PHACTR2: variants seen among roughly 807,000 people sequenced by gnomAD.
The protein encoded by PHACTR2 is phosphatase and actin regulator 2, also known as chromosome 6 open reading frame 56.
In PHACTR2, 30 loss-of-function variants were observed where a neutral mutation model predicts 76.0. The observed-to-expected ratio is 0.39, with a 90% CI of 0.30 to 0.54. The LOEUF (loss-of-function observed/expected upper bound fraction) is 0.54. PHACTR2 is among the 20% of genes least tolerant of loss of function. PHACTR2 has a pLI of 0.61. For synonymous variants in PHACTR2, 292 were observed against 292.5 expected (o/e 1.00, Z 0.02); for missense variants, 696 against 781.1 (o/e 0.89, Z 1.30).
chr6:143,565,360 T>C (rs1359327284), intron 1 of PHACTR2, among the ~76,000 whole-genome samples: 1 of 152,178 alleles, frequency 6.6e-6, no homozygotes, highest in African/African-American at 2.4e-5. Flanking sequence ...GGCTCACGCC[T>C]GTAATCCCGG....
At chr6:143,693,832 A>G (rs1777706739) in intron 1 of PHACTR2, among the ~76,000 whole-genome samples, 1 of 152,140 alleles carries the variant, frequency 6.6e-6, no homozygotes, top group African/African-American at 2.4e-5. Flanking sequence ...GCTGTAGAGC[A>G]TATGGGGTAA....
chr6:143,763,648 G>T (rs1399234645), intron 5 of PHACTR2, among the ~76,000 whole-genome samples: 1 of 152,098 alleles, frequency 6.6e-6, no homozygotes, highest in African/African-American at 2.4e-5. Flanking sequence ...AAAACCATAG[G>T]GATTCCTTTT....
At chr6:143,693,883 A>G (rs1053561926) in intron 1 of PHACTR2, among the ~76,000 whole-genome samples, 3 of 152,044 alleles carry the variant, frequency 2.0e-5, no homozygotes, top group Non-Finnish European at 2.9e-5. Context: ...AGCCTGGGCA[A>G]TGTGGCGAAA....
At position 143,821,170 on chromosome 6, in the gene PHACTR2, T is replaced by C. The variant is rs1776410236; in HGVS notation, c.1923-2504T>C. On this transcript the variant is annotated intron_variant, in intron 12 of 12. Coordinates refer to ENST00000440869, the MANE Select transcript of PHACTR2 (RefSeq NM_001100164.2). This position sits in a 1 kb window ranked among gnomAD's most constrained non-coding sequence, Gnocchi z 5.2. ...ATGCAGGCATGGCGGTCCTCACATC[T>C]GCCCAAGGTTACAGTCAGGGATAGA... Among the ~76,000 whole-genome samples the C allele has an allele frequency of 6.6e-6, 1 of 152,244 alleles. No individual in the cohort carries two copies. Among genetic ancestry groups the C allele is most frequent in the Non-Finnish European group, 1.5e-5 (1 of 68,042 alleles).
intron 1 of PHACTR2, among the ~76,000 whole-genome samples, chr6:143,615,038 G>C (rs995492176): frequency 6.6e-4 from 101 of 152,268 alleles, no homozygotes; most frequent in African/African-American, 2.3e-3. Flanking sequence ...GTCTTAAAAG[G>C]AAGGAACCTT....
intron 1 of PHACTR2, among the ~76,000 whole-genome samples, chr6:143,699,297 C>A (rs1175148424): frequency 6.6e-6 from 1 of 152,170 alleles, no homozygotes; most frequent in Non-Finnish European, 1.5e-5. Flanking sequence ...ATCTTCAACA[C>A]CCCGACACCC....
Position 143,771,142 on chromosome 6 carries a change from A to G in PHACTR2, c.1233-1116A>G, listed in dbSNP as rs573641260. On this transcript the variant is annotated intron_variant, in intron 6 of 12. Coordinates refer to ENST00000440869, the MANE Select transcript of PHACTR2 (RefSeq NM_001100164.2). ...ATATATGTACTTTACATATATATAT[A>G]TGTATATATATATATGTATATATAT... Among the ~76,000 whole-genome samples the G allele has an allele frequency of 1.6e-3, 53 of 32,176 alleles. 1 individual carries two copies. Among genetic ancestry groups the G allele is most frequent in the African/African-American group, 3.3e-3 (34 of 10,410 alleles). The allele number at this position is 32,176 out of a possible 152,430, so 21.1% of individuals were successfully genotyped here.
At position 143,558,878 on chromosome 6, in the gene PHACTR2, C is replaced by T. The variant is rs1775220589; in HGVS notation, c.217+21671C>T. Among the ~76,000 whole-genome samples the T allele has an allele frequency of 6.6e-6, 1 of 152,168 alleles. No individual in the cohort carries two copies. Among genetic ancestry groups the T allele is most frequent in the Non-Finnish European group, 1.5e-5 (1 of 68,036 alleles). On this transcript the variant is annotated intron_variant, in intron 1 of 11. Transcript: ENST00000367584. The surrounding 1 kb of genome is among the most constrained non-coding windows in gnomAD (Gnocchi z 4.7). The stretch of plus-strand genomic sequence containing the variant: ...TAGCTCGAGGGCCCCTAAACACCTC[C>T]CTGATGATTGACCAGCTGAAATGCA...
chr6:143,800,702 G>T lies in PHACTR2; in HGVS notation c.1846-6355G>T, dbSNP rs1023611113. ...GGCATTTAGCCCATTTACATTTAAGGTTAATATTGTTATGTTTGAATTTGA... is the reference window on the plus strand; with the variant it reads ...GGCATTTAGCCCATTTACATTTAAGTTTAATATTGTTATGTTTGAATTTGA... On this transcript the variant is annotated intron_variant, in intron 11 of 12. Coordinates refer to ENST00000440869, the MANE Select transcript of PHACTR2 (RefSeq NM_001100164.2). The surrounding 1 kb of genome is among the most constrained non-coding windows in gnomAD (Gnocchi z 4.8). 6.6e-6 allele frequency among the ~76,000 whole-genome samples: 1 copy of T among 152,154 alleles called. No individual in the cohort carries two copies. The highest frequency in any genetic ancestry group is 1.5e-5 in the Non-Finnish European group (1 of 68,032).
chr6:143,720,401 G>C (rs1020791666), intron 2 of PHACTR2, among the ~76,000 whole-genome samples: 1 of 152,082 alleles, frequency 6.6e-6, no homozygotes, highest in Non-Finnish European at 1.5e-5. Context: ...GTTTCAAATC[G>C]GGAAATGTTC....
At position 143,749,055 on chromosome 6, in the gene PHACTR2, G is replaced by T; in HGVS notation, c.285G>T (p.Leu95Phe). The T allele has an allele frequency of 6.5e-7, 1 of 1,540,782 alleles. No individual in the cohort carries two copies. The highest frequency in any genetic ancestry group is 9.0e-7 in the Non-Finnish European group (1 of 1,113,630). ...TAAGAAGGGGAGTGCTTAAGGAATT[G>T]CCTGATCAAGGTGAGGAAATTAATC... The part of the protein sequence containing the change: ...ELIRRGVLKE[L>F]PDQDGDVTVN... The change falls in exon 3 of 13, where the codon TTG becomes TTT. Residue 95 changes from leucine (L) to phenylalanine (F), a missense_variant. Physicochemically the swap from Leu to Phe is conservative, Grantham distance 22 (BLOSUM62 0). Transcript: ENST00000440869.
chr6:143,551,514 C>A (rs1341737849), intron 1 of PHACTR2, among the ~76,000 whole-genome samples: 2 of 151,980 alleles, frequency 1.3e-5, no homozygotes, highest in African/African-American at 4.8e-5. Flanking sequence ...CTTTTGTAGA[C>A]TAGAAAAAGG....
At position 143,541,024 on chromosome 6, in the gene PHACTR2, C is replaced by T. The variant is rs1006429980; in HGVS notation, c.217+3817C>T. On this transcript the variant is annotated intron_variant, in intron 1 of 11. Transcript: ENST00000367584. This position sits in a 1 kb window ranked among gnomAD's most constrained non-coding sequence, Gnocchi z 5.3. ...CACTGCAGCCTCAAACCCTGAGGCT[C>T]AAGGGATCCTGCTGCCTCAGCCTCC... Among the ~76,000 whole-genome samples the T allele has an allele frequency of 6.6e-6, 1 of 152,212 alleles. No homozygotes were observed. Among genetic ancestry groups the T allele is most frequent in the African/African-American group, 2.4e-5 (1 of 41,458 alleles).
rs758717029 is a variant in PHACTR2 at position 143,743,555 on chromosome 6, G to A, written c.215-5430G>A. On this transcript the variant is annotated intron_variant, in intron 2 of 12. Transcript: ENST00000440869. This position sits in a 1 kb window ranked among gnomAD's most constrained non-coding sequence, Gnocchi z 5.0. The stretch of plus-strand genomic sequence containing the variant: ...ATGTCCTGTTGGGTGGCATTGAAGC[G>A]GTTGTTTCTTTAAATGACTTAGCTC... Among the ~76,000 whole-genome samples the A allele has an allele frequency of 2.0e-5, 3 of 152,178 alleles. No homozygotes were observed. Among genetic ancestry groups the A allele is most frequent in the Non-Finnish European group, 4.4e-5 (3 of 68,036 alleles).
rs1056151233 is a variant in PHACTR2, at chr6:143,589,506, T to C, written c.217+52299T>C. On this transcript the variant is annotated intron_variant, in intron 1 of 11. Transcript: ENST00000367584. The surrounding 1 kb of genome is among the most constrained non-coding windows in gnomAD (Gnocchi z 4.4). ...ATGAGCCAAGGAAACCTTTTTTCTT[T>C]ATTAATTACTCAGTCTCAGGTAGTT... Among the ~76,000 whole-genome samples, 4 of 152,124 alleles carry C rather than the reference T, an allele frequency of 2.6e-5. No individual in the cohort carries two copies. The highest frequency in any genetic ancestry group is 9.7e-5 in the African/African-American group (4 of 41,420).
rs1025370791 is a variant in PHACTR2, at chr6:143,602,427, A to G, written c.217+65220A>G. On this transcript the variant is annotated intron_variant, in intron 1 of 11. Transcript: ENST00000367584. This position sits in a 1 kb window ranked among gnomAD's most constrained non-coding sequence, Gnocchi z 6.1. ...TTCCAACCTCATTTCTTGAGCCAGG[A>G]CTCTCCATTCAAGCAGAGCCTGGCT... Among the ~76,000 whole-genome samples the G allele has an allele frequency of 2.0e-5, 3 of 151,694 alleles. No homozygotes were observed. The East Asian group carries it at 5.8e-4, about 29-fold the overall frequency.
chr6:143,724,269 C>A (rs2128464037), intron 2 of PHACTR2, among the ~76,000 whole-genome samples: 1 of 152,136 alleles, frequency 6.6e-6, no homozygotes, highest in Middle Eastern at 3.4e-3. Flanking sequence ...GTAGGTGGGA[C>A]CACAGGTTCC....
In PHACTR2 at chr6:143,632,592, C is replaced by G. The variant is rs1190250192; in HGVS notation, c.13+24270C>G. Reference sequence around the variant, plus strand: ...GTTAGAATCAATGAAACTACATTGACTCATCATTATCACCTAAAGCCCAAC... The same window carrying G: ...GTTAGAATCAATGAAACTACATTGAGTCATCATTATCACCTAAAGCCCAAC... On this transcript the variant is annotated intron_variant, in intron 1 of 11. Transcript: ENST00000305766. Among the ~76,000 whole-genome samples, 15 of 152,290 alleles carry G rather than the reference C, an allele frequency of 9.8e-5. 2 individuals carry two copies. Among genetic ancestry groups the G allele is most frequent in the Admixed American group, 7.8e-4 (12 of 15,296 alleles).
Position 143,823,698 on chromosome 6 carries a change from G to C in PHACTR2, c.*9G>C. The C allele has an allele frequency of 6.2e-7, 1 of 1,608,958 alleles. No homozygotes were observed. Among genetic ancestry groups the C allele is most frequent in the Non-Finnish European group, 8.5e-7 (1 of 1,175,372 alleles). ...GGTTTCATCGTCCATAACGAAGAGTGAGACTATTTGGAAACAGAGACTGAT... is the reference window on the plus strand; with the variant it reads ...GGTTTCATCGTCCATAACGAAGAGTCAGACTATTTGGAAACAGAGACTGAT... On this transcript the variant is annotated 3_prime_UTR_variant, in exon 13 of 13. Coordinates refer to ENST00000440869, the MANE Select transcript of PHACTR2 (RefSeq NM_001100164.2). The surrounding 1 kb of genome is among the most constrained non-coding windows in gnomAD (Gnocchi z 5.7).
Sources: allele counts gnomAD v4.1 joint callset (sites outside exome capture counted in the v4.1 genomes callset), GRCh38; gene constraint gnomAD v4.1.1; non-coding constraint Gnocchi (gnomAD v3.1); transcripts MANE v1.5; gene names NCBI Gene and HGNC (gene_info 2026-07-23, HGNC 2026-07-21).